The following FAM178B variants were observed in gnomAD, a reference collection of about 807,000 sequenced individuals.
FAM178B encodes family with sequence similarity 178 member B, also known as protein FAM178B.
FAM178B carries 82 observed loss-of-function variants against 91.7 expected under a neutral mutation model. That is an observed-to-expected ratio of 0.89 (90% CI 0.75 to 1.07). The LOEUF (loss-of-function observed/expected upper bound fraction) is 1.07, where lower values mean the gene tolerates loss of function less well. Among genes scored for constraint, FAM178B ranks in the 50% least tolerant of loss-of-function variants. The pLI is 0.00. For missense variants in FAM178B, 769 were observed against 846.7 expected, an observed-to-expected ratio of 0.91 and a Z score of 1.14; for synonymous variants, 368 against 359.4, an observed-to-expected ratio of 1.02 and a Z score of -0.27.
intron 1 of FAM178B, among the ~76,000 whole-genome samples, chr2:96,976,731 C>G (rs1477924051): frequency 6.6e-6 from 1 of 151,670 alleles, no homozygotes. Context: ...GCCTGTAGTC[C>G]CAGCTACTCA....
At chr2:96,936,347 G>A (rs945001332) in intron 8 of FAM178B, among the ~76,000 whole-genome samples, 25 of 146,970 alleles carry the variant, frequency 1.7e-4, no homozygotes, top group African/African-American at 4.9e-4. Context: ...AACTACAGGC[G>A]CCCGCCACCA....
At chr2:96,955,876 A>G (rs753673080) in intron 6 of FAM178B, among the ~76,000 whole-genome samples, 11 of 152,180 alleles carry the variant, frequency 7.2e-5, no homozygotes, top group Non-Finnish European at 1.6e-4. Flanking sequence ...TTCCTCCAGG[A>G]AGAGAAGCTA....
intron 1 of FAM178B, among the ~76,000 whole-genome samples, chr2:96,981,485 T>A (rs1355333948): frequency 6.6e-6 from 1 of 152,122 alleles, no homozygotes; most frequent in Non-Finnish European, 1.5e-5. Context: ...GCTTTCTGTA[T>A]CCTGTTTAAG....
At chr2:96,905,174 C>T (rs72942920) in intron 12 of FAM178B, among the ~76,000 whole-genome samples, 12,878 of 152,098 alleles carry the variant, frequency 0.085, 1,818 homozygotes, top group African/African-American at 0.3. Context: ...GCTGGCTTCA[C>T]GTGCATTGGA....
At chr2:96,955,610 G>T (rs1023740843) in intron 6 of FAM178B, among the ~76,000 whole-genome samples, 1 of 152,216 alleles carries the variant, frequency 6.6e-6, no homozygotes, top group Non-Finnish European at 1.5e-5. Context: ...AACCTGGGAG[G>T]CAGAGGTTGC....
chr2:96,910,239 C>T (rs2081128343), intron 12 of FAM178B, among the ~76,000 whole-genome samples: 1 of 152,132 alleles, frequency 6.6e-6, no homozygotes, highest in African/African-American at 2.4e-5. Context: ...ACCATTGCCC[C>T]CATCTCCTGG....
rs1559102935 is a variant in FAM178B at position 96,968,804 on chromosome 2, G to A, written c.627-1177C>T. Reference sequence around the variant, plus strand: ...AACAAGAGAAAACATATCTCTGCCTGCTTCAGTTTCTCCCATGACTCAGCC... The same window carrying A: ...AACAAGAGAAAACATATCTCTGCCTACTTCAGTTTCTCCCATGACTCAGCC... On this transcript the variant is annotated intron_variant, in intron 4 of 16. Coordinates refer to ENST00000490605, the MANE Select transcript of FAM178B (RefSeq NM_001122646.3). Among the ~76,000 whole-genome samples, 7 of 152,128 alleles carry A rather than the reference G, an allele frequency of 4.6e-5. No homozygotes were observed. The South Asian group carries it at 1.5e-3, about 32-fold the overall frequency.
chr2:96,945,940 C>G (rs1232937191), intron 8 of FAM178B, among the ~76,000 whole-genome samples: 1 of 152,144 alleles, frequency 6.6e-6, no homozygotes, highest in Admixed American at 6.5e-5. Flanking sequence ...CCATCCATCT[C>G]CGAACTCTTT....
chr2:96,973,757 T>C (rs1439510527), intron 1 of FAM178B, among the ~76,000 whole-genome samples: 2 of 152,180 alleles, frequency 1.3e-5, no homozygotes, highest in Admixed American at 6.5e-5. Flanking sequence ...TCCCAGCACT[T>C]TGGGAGGCCG....
chr2:96,919,657 G>A lies in FAM178B; in HGVS notation c.1562+1508C>T, dbSNP rs372982801. On this transcript the variant is annotated intron_variant, in intron 12 of 16. Transcript: ENST00000490605. ...GTCTGGGGAGAACAGGGAATCAGGA[G>A]GCAGGGTCGGCCTCTCCATCCCATG... 4.6e-5 allele frequency among the ~76,000 whole-genome samples: 7 copies of A among 152,240 alleles called. No individual in the cohort carries two copies. The East Asian group carries it at 1.2e-3, about 25-fold the overall frequency.
At chr2:96,879,166 G>A (rs527755516) in intron 14 of FAM178B, among the ~76,000 whole-genome samples, 41 of 152,290 alleles carry the variant, frequency 2.7e-4, no homozygotes, top group African/African-American at 8.9e-4. Context: ...ATCCCAGGGC[G>A]TGAGGCTCCA....
intron 6 of FAM178B, chr2:96,951,857 C>A (rs1026328783): frequency 1.1e-5 from 2 of 175,076 alleles, no homozygotes; most frequent in Admixed American, 1.2e-4. Context: ...GCTGTCTCTA[C>A]TAAAAATACA....
At chr2:96,959,044 C>T (rs2082043239) in intron 6 of FAM178B, among the ~76,000 whole-genome samples, 1 of 151,514 alleles carries the variant, frequency 6.6e-6, no homozygotes, top group African/African-American at 2.4e-5. Context: ...ACTAAAAATA[C>T]AAAAATTAGC....
rs752190149 is a variant in FAM178B, at chr2:96,960,340, G to A, written c.835C>T (p.Leu279=). The A allele has an allele frequency of 3.9e-4, 605 of 1,551,690 alleles. 1 individual carries two copies. The highest frequency in any genetic ancestry group is 5.2e-4 in the Non-Finnish European group (594 of 1,147,018). The change falls in exon 6 of 17, where the codon CTG becomes TTG. Residue 279 remains leucine, a synonymous_variant. Transcript: ENST00000490605. The part of the protein sequence containing the change: ...LPRCHPLPCI[L]DSSLLKPRSH... ...CGTGGCTTCAGGAGTGAGGAGTCCAGGATGCATGGCAGGGGGTGACACCTG... is the reference window on the plus strand; with the variant it reads ...CGTGGCTTCAGGAGTGAGGAGTCCAAGATGCATGGCAGGGGGTGACACCTG...
chr2:96,979,745 A>C (rs1450359265), intron 1 of FAM178B, among the ~76,000 whole-genome samples: 1 of 150,920 alleles, frequency 6.6e-6, no homozygotes, highest in Non-Finnish European at 1.5e-5. Context: ...TTACATTCCC[A>C]CCAACTGTGT....
chr2:96,957,082 C>T (rs1430040028), intron 6 of FAM178B, among the ~76,000 whole-genome samples: 1 of 151,920 alleles, frequency 6.6e-6, no homozygotes, highest in African/African-American at 2.4e-5. Context: ...CCAGGCTGCT[C>T]TAGAACTCCT....
At chr2:96,937,751 C>T (rs1313842062) in intron 8 of FAM178B, among the ~76,000 whole-genome samples, 3 of 152,096 alleles carry the variant, frequency 2.0e-5, no homozygotes, top group African/African-American at 4.8e-5. Context: ...TTGGGCTGGG[C>T]GCGGGGGCTC....
intron 16 of FAM178B, chr2:96,877,674 C>A: frequency 5.3e-6 from 3 of 569,402 alleles, no homozygotes; most frequent in Admixed American, 3.0e-5. Flanking sequence ...GGATTACAGG[C>A]GTGAGCTACC....
At chr2:96,955,641 T>C (rs567575766) in intron 6 of FAM178B, among the ~76,000 whole-genome samples, 23 of 152,254 alleles carry the variant, frequency 1.5e-4, no homozygotes, top group Non-Finnish European at 2.5e-4. Flanking sequence ...GATTGCCCCA[T>C]TGCACTGCAG....
Sources: allele counts gnomAD v4.1 joint callset (sites outside exome capture counted in the v4.1 genomes callset), GRCh38; gene constraint gnomAD v4.1.1; transcripts MANE v1.5; gene names NCBI Gene and HGNC (gene_info 2026-07-23, HGNC 2026-07-21).